LRRC4C: variants seen among roughly 807,000 people sequenced by gnomAD.
LRRC4C encodes leucine-rich repeat-containing protein 4C.
In LRRC4C, 5 loss-of-function variants were observed where a neutral mutation model predicts 33.6. That is an observed-to-expected ratio of 0.15 (90% CI 0.08 to 0.31). The LOEUF (loss-of-function observed/expected upper bound fraction) is 0.31. LRRC4C is among the 10% of genes least tolerant of loss of function. LRRC4C has a pLI of 1.00. For missense variants in LRRC4C, 560 were observed against 796.7 expected (o/e 0.70, Z 3.58); for synonymous variants, 329 against 302.0 (o/e 1.09, Z -0.93).
chr11:40,534,183 A>G (rs1383934128), intron 3 of LRRC4C, among the ~76,000 whole-genome samples: 1 of 152,116 alleles, frequency 6.6e-6, no homozygotes, highest in Non-Finnish European at 1.5e-5. Flanking sequence ...ATGAGGTTGG[A>G]TGACTCTTAG....
At chr11:41,033,006 T>C (rs756715775) in intron 1 of LRRC4C, among the ~76,000 whole-genome samples, 7 of 152,098 alleles carry the variant, frequency 4.6e-5, no homozygotes, top group Middle Eastern at 3.4e-3. Context: ...GCTGATACCA[T>C]GAAACATTAC....
chr11:40,258,915 C>T (rs1867448597), intron 4 of LRRC4C, among the ~76,000 whole-genome samples: 1 of 152,122 alleles, frequency 6.6e-6, no homozygotes, highest in Non-Finnish European at 1.5e-5. Flanking sequence ...TAACCAAGTC[C>T]ACATGAAAAT....
chr11:41,256,225 G>A (rs1948794329), intron 1 of LRRC4C, among the ~76,000 whole-genome samples: 1 of 151,898 alleles, frequency 6.6e-6, no homozygotes, highest in South Asian at 2.1e-4. Context: ...CACCCCGGGT[G>A]ATAACATAAC....
At chr11:40,486,712 G>T (rs1354650301) in intron 3 of LRRC4C, among the ~76,000 whole-genome samples, 1 of 152,020 alleles carries the variant, frequency 6.6e-6, no homozygotes, top group East Asian at 1.9e-4. Context: ...AATTGGTTAA[G>T]ATTAGAGTAG....
intron 1 of LRRC4C, among the ~76,000 whole-genome samples, chr11:40,961,055 A>T (rs1450757330): frequency 6.6e-6 from 1 of 151,718 alleles, no homozygotes; most frequent in Non-Finnish European, 1.5e-5. Context: ...GTGTTGATTA[A>T]ACCTGCCTTT....
At chr11:40,496,295 TA>T (rs1954454396) in intron 3 of LRRC4C, among the ~76,000 whole-genome samples, 1 of 152,148 alleles carries the variant, frequency 6.6e-6, no homozygotes, top group Non-Finnish European at 1.5e-5. Flanking sequence ...ATCACAAACT[TA>T]TTTTCTTCCA....
intron 1 of LRRC4C, among the ~76,000 whole-genome samples, chr11:41,074,523 A>G (rs1938961167): frequency 6.6e-6 from 1 of 152,220 alleles, no homozygotes; most frequent in African/African-American, 2.4e-5. Context: ...TAAACAAGAC[A>G]TTTCATTTCT....
At chr11:40,719,650 G>C (rs535962537) in intron 2 of LRRC4C, among the ~76,000 whole-genome samples, 85 of 152,268 alleles carry the variant, frequency 5.6e-4, no homozygotes, top group African/African-American at 1.9e-3. Context: ...GTTTGTCTAT[G>C]CAAACTGCCA....
chr11:40,280,244 A>T (rs995353714), intron 4 of LRRC4C, among the ~76,000 whole-genome samples: 1 of 152,198 alleles, frequency 6.6e-6, no homozygotes, highest in African/African-American at 2.4e-5. Context: ...GAGAGATGGG[A>T]CTGAAGGCTT....
chr11:41,050,570 G>T (rs925551996), intron 1 of LRRC4C, among the ~76,000 whole-genome samples: 2 of 152,062 alleles, frequency 1.3e-5, no homozygotes, highest in Admixed American at 6.6e-5. Context: ...GTGTTAGTTT[G>T]CTGAGAATGA....
chr11:41,327,121 T>C (rs1465672777), intron 1 of LRRC4C, among the ~76,000 whole-genome samples: 1 of 152,222 alleles, frequency 6.6e-6, no homozygotes, highest in Non-Finnish European at 1.5e-5. Context: ...GCTCATTAAA[T>C]CCCATTCTCT....
intron 2 of LRRC4C, among the ~76,000 whole-genome samples, chr11:40,732,705 AAACT>A (rs1484181290): frequency 1.3e-5 from 2 of 152,186 alleles, no homozygotes; most frequent in Non-Finnish European, 2.9e-5. Context: ...TGAGCTTCAA[AAACT>A]AACTAGTTAT....
At chr11:40,995,804 T>G (rs1361002179) in intron 1 of LRRC4C, among the ~76,000 whole-genome samples, 1 of 152,136 alleles carries the variant, frequency 6.6e-6, no homozygotes, top group Admixed American at 6.6e-5. Context: ...ACCAAACCAT[T>G]GGTCTGCAAG....
chr11:40,629,744 A>T (rs957239445), intron 3 of LRRC4C, among the ~76,000 whole-genome samples: 2 of 152,176 alleles, frequency 1.3e-5, no homozygotes, highest in African/African-American at 4.8e-5. Flanking sequence ...CTGTCCCTTC[A>T]TATAATCCAC....
At chr11:40,744,586 C>T (rs1219645778) in intron 2 of LRRC4C, among the ~76,000 whole-genome samples, 1 of 152,114 alleles carries the variant, frequency 6.6e-6, no homozygotes, top group Admixed American at 6.5e-5. Flanking sequence ...TCTGATTTTG[C>T]TTACCATAGT....
intron 3 of LRRC4C, chr11:40,445,484 A>T: frequency 6.4e-6 from 1 of 156,298 alleles, no homozygotes. Context: ...TGGCCAAAAG[A>T]TTTTCCAACA....
At chr11:41,202,724 C>T (rs1407454184) in intron 1 of LRRC4C, among the ~76,000 whole-genome samples, 1 of 151,636 alleles carries the variant, frequency 6.6e-6, no homozygotes, top group Non-Finnish European at 1.5e-5. Context: ...GCTATAAAGA[C>T]AAAATTTCCC....
At chr11:40,156,665 C>CA (rs1040799766) in intron 5 of LRRC4C, among the ~76,000 whole-genome samples, 3 of 151,300 alleles carry the variant, frequency 2.0e-5, no homozygotes, top group Non-Finnish European at 3.0e-5. Context: ...ACCAAACAAA[C>CA]AAAAAAACCC....
At chr11:40,855,930 T>C (rs1953756898) in intron 2 of LRRC4C, among the ~76,000 whole-genome samples, 1 of 151,868 alleles carries the variant, frequency 6.6e-6, no homozygotes, top group Non-Finnish European at 1.5e-5. Flanking sequence ...CTATATTTTA[T>C]GTTGCTTTTT....
Sources: gnomAD v4.1 joint callset for allele counts (sites outside exome capture counted in the v4.1 genomes callset) on GRCh38, gnomAD v4.1.1 for gene constraint, MANE v1.5 for transcripts, NCBI Gene and HGNC (gene_info 2026-07-23, HGNC 2026-07-21) for gene names.